The following ROBO1 variants were observed in gnomAD, a reference collection of about 807,000 sequenced individuals.
ROBO1 encodes roundabout homolog 1.
Under a neutral mutation model 195.9 loss-of-function variants are expected in ROBO1, and 149 were observed. The ratio of observed to expected loss-of-function variants is 0.76; its 90% confidence interval spans 0.67 to 0.87. The LOEUF (loss-of-function observed/expected upper bound fraction) is 0.87, where lower values mean the gene tolerates loss of function less well. Among genes scored for constraint, ROBO1 ranks in the 40% least tolerant of loss-of-function variants. The pLI is 0.00. For synonymous variants in ROBO1, 816 were observed against 733.2 expected (o/e 1.11, Z -1.82); for missense variants, 1,933 against 2,068.3 (o/e 0.93, Z 1.27).
At chr3:78,971,917 C>G (rs2076776762) in intron 3 of ROBO1, among the ~76,000 whole-genome samples, 1 of 152,110 alleles carries the variant, frequency 6.6e-6, no homozygotes, top group East Asian at 1.9e-4. Context: ...AGGCGCCCGC[C>G]ACCATGCCCA....
intron 2 of ROBO1, among the ~76,000 whole-genome samples, chr3:79,519,366 C>T (rs141990058): frequency 0.013 from 1,903 of 152,032 alleles, 32 homozygotes; most frequent in Middle Eastern, 0.048. Context: ...CCTGGTGGCT[C>T]ACGCCTGTAA....
At chr3:79,562,192 A>G (rs1461262382) in intron 2 of ROBO1, among the ~76,000 whole-genome samples, 1 of 152,018 alleles carries the variant, frequency 6.6e-6, no homozygotes, top group Non-Finnish European at 1.5e-5. Flanking sequence ...GTCATGCACT[A>G]TTGTTGTAAA....
intron 2 of ROBO1, among the ~76,000 whole-genome samples, chr3:79,344,903 T>A (rs1203863898): frequency 6.6e-6 from 1 of 152,002 alleles, no homozygotes; most frequent in Non-Finnish European, 1.5e-5. Context: ...TAAAGAGCAG[T>A]TTTTTCCTGC....
intron 3 of ROBO1, among the ~76,000 whole-genome samples, chr3:79,042,413 C>T (rs967878148): frequency 4.6e-5 from 7 of 152,038 alleles, no homozygotes; most frequent in African/African-American, 1.7e-4. Context: ...ATTCCGATGG[C>T]GGTCGCACAG....
chr3:78,916,260 A>AAC (rs1231756336), intron 4 of ROBO1, among the ~76,000 whole-genome samples: 1 of 143,106 alleles, frequency 7.0e-6, no homozygotes, highest in African/African-American at 2.6e-5. Flanking sequence ...AAAAAAAAAA[A>AAC]AACAACTTTA....
intron 4 of ROBO1, among the ~76,000 whole-genome samples, chr3:78,806,472 AAAG>A (rs2084543515): frequency 6.6e-6 from 1 of 152,168 alleles, no homozygotes; most frequent in Non-Finnish European, 1.5e-5. Context: ...CACTTGTGAA[AAAG>A]AAGACAGAGC....
At chr3:79,488,502 C>A (rs74958962) in intron 2 of ROBO1, among the ~76,000 whole-genome samples, 6 of 151,994 alleles carry the variant, frequency 3.9e-5, no homozygotes, top group Admixed American at 6.6e-5. Flanking sequence ...TTATTAAATG[C>A]CATATGTCAT....
chr3:79,193,581 C>CTGTTTTTTT (rs2081579319), intron 2 of ROBO1, among the ~76,000 whole-genome samples: 1 of 85,626 alleles, frequency 1.2e-5, no homozygotes. Context: ...TGTGGTTTTG[C>CTGTTTTTTT]TTTTTTTTTT....
chr3:79,032,041 A>G (rs1444657745), intron 3 of ROBO1, among the ~76,000 whole-genome samples: 1 of 152,106 alleles, frequency 6.6e-6, no homozygotes, highest in Non-Finnish European at 1.5e-5. Flanking sequence ...GACATATTCA[A>G]TGTATATACT....
intron 7 of ROBO1, among the ~76,000 whole-genome samples, chr3:78,715,674 G>C (rs2081885052): frequency 6.6e-6 from 1 of 152,082 alleles, no homozygotes; most frequent in African/African-American, 2.4e-5. Flanking sequence ...TGGGATTATA[G>C]GATTATAGCG....
chr3:79,663,987 T>G (rs1238949502), intron 1 of ROBO1, among the ~76,000 whole-genome samples: 1 of 152,098 alleles, frequency 6.6e-6, no homozygotes, highest in African/African-American at 2.4e-5. Flanking sequence ...TATTCTGCTG[T>G]CAACGAATAG....
At chr3:79,367,071 A>G (rs890216601) in intron 2 of ROBO1, among the ~76,000 whole-genome samples, 11 of 152,194 alleles carry the variant, frequency 7.2e-5, no homozygotes, top group African/African-American at 2.7e-4. Context: ...TAATTATTTA[A>G]TCTACATTTC....
At chr3:79,313,107 A>C (rs1043889344) in intron 2 of ROBO1, among the ~76,000 whole-genome samples, 4 of 151,776 alleles carry the variant, frequency 2.6e-5, no homozygotes, top group Non-Finnish European at 5.9e-5. Flanking sequence ...GAATGGTGTG[A>C]ACTCAGGAGG....
At chr3:79,075,093 C>A (rs1269678747) in intron 3 of ROBO1, among the ~76,000 whole-genome samples, 1 of 151,752 alleles carries the variant, frequency 6.6e-6, no homozygotes, top group Non-Finnish European at 1.5e-5. Flanking sequence ...TCTAGGTTGC[C>A]ATGATTCCTC....
intron 2 of ROBO1, among the ~76,000 whole-genome samples, chr3:79,524,563 C>T (rs1328985713): frequency 6.6e-6 from 1 of 152,008 alleles, no homozygotes; most frequent in African/African-American, 2.4e-5. Context: ...AGTAACAATT[C>T]CAAGGGGCTT....
chr3:79,481,746 C>T (rs144282870), intron 2 of ROBO1, among the ~76,000 whole-genome samples: 2 of 152,188 alleles, frequency 1.3e-5, no homozygotes, highest in Admixed American at 1.3e-4. Flanking sequence ...TTGGACCTTG[C>T]TTTTAATCTT....
chr3:79,097,213 T>G (rs1397273353), intron 3 of ROBO1, among the ~76,000 whole-genome samples: 1 of 151,774 alleles, frequency 6.6e-6, no homozygotes, highest in East Asian at 1.9e-4. Context: ...TCATACGAAT[T>G]TCAAAAAGTG....
At chr3:78,684,548 A>G (rs2081008008) in intron 10 of ROBO1, among the ~76,000 whole-genome samples, 1 of 152,130 alleles carries the variant, frequency 6.6e-6, no homozygotes, top group African/African-American at 2.4e-5. Flanking sequence ...GGAAAATAAG[A>G]GTGGTCTAGA....
intron 30 of ROBO1, 66 bp from the exon 31 acceptor site, chr3:78,598,993 A>C: frequency 1.1e-6 from 1 of 892,806 alleles, no homozygotes; most frequent in Non-Finnish European, 1.7e-6. Context: ...ATATTTATTT[A>C]TATGCATTTA....
Sources: allele counts gnomAD v4.1 joint callset (sites outside exome capture counted in the v4.1 genomes callset), GRCh38; gene constraint gnomAD v4.1.1; transcripts MANE v1.5; gene names NCBI Gene and HGNC (gene_info 2026-07-23, HGNC 2026-07-21).